The following CAST variants were observed in gnomAD, a reference collection of about 807,000 sequenced individuals.
The protein encoded by CAST is MIR583 host.
In CAST, 76 loss-of-function variants were observed where a neutral mutation model predicts 119.6. The observed-to-expected ratio is 0.64, with a 90% CI of 0.53 to 0.77. CAST has a LOEUF of 0.77. Ranked by LOEUF, CAST falls within the 30% of genes least tolerant of loss-of-function variation. The pLI is 0.00. For missense variants in CAST, 953 were observed against 946.5 expected (o/e 1.01, Z -0.09); for synonymous variants, 319 against 331.6 (o/e 0.96, Z 0.41).
intron 1 of CAST, among the ~76,000 whole-genome samples, chr5:96,543,237 A>G (rs1745949664): frequency 6.6e-6 from 1 of 152,236 alleles, no homozygotes; most frequent in African/African-American, 2.4e-5. Context: ...TTGCAGGGAC[A>G]TGAATGAAGC....
intron 4 of CAST, among the ~76,000 whole-genome samples, chr5:96,723,359 T>A (rs1758655277): frequency 6.6e-6 from 1 of 152,184 alleles, no homozygotes; most frequent in Non-Finnish European, 1.5e-5. Context: ...AATGAGAATA[T>A]AAATTATTAA....
intron 1 of CAST, among the ~76,000 whole-genome samples, chr5:96,599,784 T>G (rs1446942892): frequency 2.0e-5 from 3 of 152,072 alleles, no homozygotes; most frequent in Admixed American, 1.3e-4. Context: ...TGAAATAAGC[T>G]ATTTTCTTTC....
At chr5:96,514,689 GC>G in the CAST span, among the ~76,000 whole-genome samples, 1 of 151,928 alleles carries the variant, frequency 6.6e-6, no homozygotes, top group African/African-American at 2.4e-5. Flanking sequence ...TGTCTGAGAT[GC>G]CCCCCAGCCA....
At chr5:96,712,140 C>G (rs556631551) in intron 3 of CAST, among the ~76,000 whole-genome samples, 3 of 152,278 alleles carry the variant, frequency 2.0e-5, no homozygotes, top group Non-Finnish European at 1.5e-5. Context: ...TGTGTTCTAT[C>G]TATTCCACTG....
the CAST span, among the ~76,000 whole-genome samples, chr5:96,284,067 G>C: frequency 6.6e-6 from 1 of 152,136 alleles, no homozygotes; most frequent in African/African-American, 2.4e-5. Context: ...TACAAGAGTC[G>C]TGAGGGCTCA....
At chr5:96,288,257 C>T in the CAST span, among the ~76,000 whole-genome samples, 2 of 152,066 alleles carry the variant, frequency 1.3e-5, no homozygotes, top group African/African-American at 4.8e-5. Context: ...ACTGTTTTTT[C>T]CTCCTCACAT....
At chr5:96,469,889 TACACACACATATATATAATGTTTGTATAA>T in the CAST span, among the ~76,000 whole-genome samples, 4 of 145,172 alleles carry the variant, frequency 2.8e-5, no homozygotes, top group African/African-American at 1.0e-4. Context: ...AATATATATA[TACACACACATATATATAATGTTTGTATAA>T]ATTGTCCAAG....
chr5:96,294,223 C>T, the CAST span, among the ~76,000 whole-genome samples: 1 of 152,272 alleles, frequency 6.6e-6, no homozygotes, highest in East Asian at 1.9e-4. Flanking sequence ...CTGTCTTTTC[C>T]TCTGCCTTTG....
At chr5:96,534,689 A>ACGAG (rs1745750156) in intron 1 of CAST, among the ~76,000 whole-genome samples, 1 of 83,526 alleles carries the variant, frequency 1.2e-5, no homozygotes, top group African/African-American at 4.6e-5. Context: ...AGAGAGAGAG[A>ACGAG]GGAAGGAAGG....
chr5:96,061,886 AG>A, the CAST span, among the ~76,000 whole-genome samples: 2 of 152,144 alleles, frequency 1.3e-5, no homozygotes, highest in Non-Finnish European at 2.9e-5. Context: ...ATTATGGAAA[AG>A]GCACCATGAA....
the CAST span, among the ~76,000 whole-genome samples, chr5:96,510,661 T>A: frequency 6.6e-6 from 1 of 152,212 alleles, no homozygotes; most frequent in African/African-American, 2.4e-5. Context: ...TCAGGGACAT[T>A]TAATATGAAC....
the CAST span, among the ~76,000 whole-genome samples, chr5:96,405,554 C>A: frequency 6.6e-6 from 1 of 152,088 alleles, no homozygotes; most frequent in Admixed American, 6.6e-5. Flanking sequence ...GCCTGTAATC[C>A]CAGCTACTCA....
the CAST span, among the ~76,000 whole-genome samples, chr5:96,518,518 T>TACAATA: frequency 1.4e-4 from 22 of 152,324 alleles, no homozygotes; most frequent in South Asian, 2.1e-4. Context: ...GGGACCCATT[T>TACAATA]ACAATAACAC....
the CAST span, among the ~76,000 whole-genome samples, chr5:96,120,160 T>C: frequency 7.9e-5 from 12 of 152,248 alleles, no homozygotes; most frequent in African/African-American, 2.4e-4. Context: ...TGGGGTGTTA[T>C]CTCTCTCCCA....
intron 3 of CAST, among the ~76,000 whole-genome samples, chr5:96,718,656 A>G (rs1757627599): frequency 6.6e-6 from 1 of 152,200 alleles, no homozygotes; most frequent in Non-Finnish European, 1.5e-5. Context: ...ACAGCAGCCA[A>G]CAAGGAGAGA....
At chr5:96,618,931 G>C (rs760301483) in intron 1 of CAST, among the ~76,000 whole-genome samples, 2 of 152,250 alleles carry the variant, frequency 1.3e-5, no homozygotes, top group African/African-American at 4.8e-5. Flanking sequence ...CTCCTGAGTC[G>C]AGTGGGGACT....
chr5:96,134,589 A>G, the CAST span, among the ~76,000 whole-genome samples: 1 of 152,210 alleles, frequency 6.6e-6, no homozygotes, highest in Non-Finnish European at 1.5e-5. Flanking sequence ...TGGAAGCAAG[A>G]AAGGGCTACA....
chr5:96,328,136 A>G, the CAST span, among the ~76,000 whole-genome samples: 1 of 152,112 alleles, frequency 6.6e-6, no homozygotes, highest in Non-Finnish European at 1.5e-5. Context: ...TGGCATTTTC[A>G]TTGACGATTA....
At chr5:96,496,838 T>C in the CAST span, among the ~76,000 whole-genome samples, 1 of 151,690 alleles carries the variant, frequency 6.6e-6, no homozygotes, top group Non-Finnish European at 1.5e-5. Flanking sequence ...CTGTTTTGCT[T>C]TTTTTTTAGG....
Sources: allele counts gnomAD v4.1 joint callset (sites outside exome capture counted in the v4.1 genomes callset), GRCh38; gene constraint gnomAD v4.1.1; transcripts MANE v1.5; gene names NCBI Gene and HGNC (gene_info 2026-07-23, HGNC 2026-07-21).